FERMT1: variants seen among roughly 807,000 people sequenced by gnomAD.
The protein encoded by FERMT1 is FERM domain containing kindlin 1.
Under a neutral mutation model 85.3 loss-of-function variants are expected in FERMT1, and 60 were observed. The ratio of observed to expected loss-of-function variants is 0.70; its 90% confidence interval spans 0.57 to 0.87. The LOEUF (loss-of-function observed/expected upper bound fraction) is 0.87, where lower values mean the gene tolerates loss of function less well. Among genes scored for constraint, FERMT1 ranks in the 40% least tolerant of loss-of-function variants. FERMT1 has a pLI of 0.00. For synonymous variants in FERMT1, 275 were observed against 301.1 expected, an observed-to-expected ratio of 0.91 and a Z score of 0.90; for missense variants, 701 against 818.9, an observed-to-expected ratio of 0.86 and a Z score of 1.76.
intron 14 of FERMT1, 46 bp from the exon 15 acceptor site, chr20:6,077,392 A>G: frequency 6.2e-7 from 1 of 1,603,366 alleles, no homozygotes; most frequent in East Asian, 2.2e-5. Flanking sequence ...ACAAGGAATG[A>G]TGAAAAAAAA....
intron 4 of FERMT1, 68 bp downstream of exon 4, chr20:6,112,409 G>A (rs201012598): frequency 1.0e-5 from 15 of 1,457,014 alleles, no homozygotes; most frequent in Non-Finnish European, 1.3e-5. Flanking sequence ...GGGGTGGGAG[G>A]AGAGATATAT....
At chr20:6,092,564 C>T (rs1982398306) in intron 9 of FERMT1, among the ~76,000 whole-genome samples, 1 of 152,110 alleles carries the variant, frequency 6.6e-6, no homozygotes, top group Non-Finnish European at 1.5e-5. Flanking sequence ...ATTATATCTA[C>T]ATCTGTGTGT....
At chr20:6,082,465 G>A (rs1037556751) in intron 13 of FERMT1, among the ~76,000 whole-genome samples, 2 of 152,138 alleles carry the variant, frequency 1.3e-5, no homozygotes, top group African/African-American at 2.4e-5. Flanking sequence ...TGACTTCAGG[G>A]TTACAGGTGA....
intron 4 of FERMT1, among the ~76,000 whole-genome samples, chr20:6,112,109 C>A (rs1876412961): frequency 6.6e-6 from 1 of 152,038 alleles, no homozygotes; most frequent in African/African-American, 2.4e-5. Flanking sequence ...CTTCTGAGCT[C>A]AAGTGATCCA....
rs760079665 is a variant in FERMT1, at chr20:6,115,867, C to T, written c.329G>A (p.Arg110Gln). 1.7e-5 allele frequency: 27 copies of T among 1,614,038 alleles called. No homozygotes were observed. The highest frequency in any genetic ancestry group is 3.3e-5 in the Admixed American group (2 of 59,996). The change falls in exon 3 of 15, where the codon CGA becomes CAA. Residue 110 changes from arginine to glutamine, a missense_variant. By Grantham distance (43) the Arg-to-Gln change is conservative. Coordinates refer to ENST00000217289, the MANE Select transcript of FERMT1 (RefSeq NM_017671.5). Reference protein sequence around the residue: ...RLPNLKMVRLRVSFSAVVFKA... With the variant: ...RLPNLKMVRLQVSFSAVVFKA... ...AAAAACCACAGCTGAGAAGCTGACTCGCAACCTCACCATCTTCAAATTCGG... is the reference window on the plus strand; with the variant it reads ...AAAAACCACAGCTGAGAAGCTGACTTGCAACCTCACCATCTTCAAATTCGG...
Position 6,119,530 on chromosome 20 carries a change from A to G in FERMT1, c.25T>C (p.Phe9Leu). MLSSTDFT[F>L]ASWELVVRVD... ...CGGACCACAAGCTCCCAGGAAGCAA[A>G]TGTAAAGTCAGTGGATGACAGCATT... is the stretch of plus-strand genomic sequence containing the variant. Residue 9 changes from phenylalanine to leucine, a missense_variant, in exon 2 of 15, where the codon TTT (phenylalanine) becomes CTT (leucine). Coordinates refer to ENST00000217289, the MANE Select transcript of FERMT1 (RefSeq NM_017671.5). 6.2e-7 allele frequency: 1 copy of G among 1,614,166 alleles called. No individual in the cohort carries two copies. Among genetic ancestry groups the G allele is most frequent in the Non-Finnish European group, 8.5e-7 (1 of 1,180,010 alleles).
At chr20:6,121,264 G>A (rs1027909022) in intron 1 of FERMT1, among the ~76,000 whole-genome samples, 2 of 152,306 alleles carry the variant, frequency 1.3e-5, no homozygotes, top group Non-Finnish European at 1.5e-5. Flanking sequence ...TGAGATTACA[G>A]GCGTGTGCCA....
chr20:6,121,213 C>T (rs1389430139), intron 1 of FERMT1, among the ~76,000 whole-genome samples: 1 of 151,732 alleles, frequency 6.6e-6, no homozygotes, highest in East Asian at 1.9e-4. Flanking sequence ...ACCTCTGCCT[C>T]CCGGGTTCAA....
intron 6 of FERMT1, among the ~76,000 whole-genome samples, chr20:6,106,481 A>C (rs184825151): frequency 7.2e-5 from 11 of 152,308 alleles, no homozygotes; most frequent in African/African-American, 2.6e-4. Context: ...CAGTAAATGG[A>C]AAAGAGCAAC....
intron 10 of FERMT1, among the ~76,000 whole-genome samples, chr20:6,088,258 C>T (rs1463624990): frequency 6.6e-6 from 1 of 152,116 alleles, no homozygotes; most frequent in African/African-American, 2.4e-5. Context: ...TTAAATATTT[C>T]AATTAATAGA....
chr20:6,084,540 C>T (rs900595848), intron 12 of FERMT1, among the ~76,000 whole-genome samples: 2 of 152,132 alleles, frequency 1.3e-5, no homozygotes, highest in Admixed American at 1.3e-4. Flanking sequence ...TAAATAAGTT[C>T]AATCTGGGAA....
chr20:6,086,977 C>T lies in FERMT1; in HGVS notation c.1371+800G>A, dbSNP rs536488681. Reference sequence around the variant, plus strand: ...CCTTCGCCATATAACTTTACAGTTCCTCCCACCAGGGAGGAATTCCCATCC... The same window carrying T: ...CCTTCGCCATATAACTTTACAGTTCTTCCCACCAGGGAGGAATTCCCATCC... On this transcript the variant is annotated intron_variant, in intron 11 of 14. Transcript: ENST00000217289. 2.6e-5 allele frequency among the ~76,000 whole-genome samples: 4 copies of T among 152,244 alleles called. No homozygotes were observed. The East Asian group carries it at 7.7e-4, about 29-fold the overall frequency.
At chr20:6,079,374 T>G (rs1051943741) in intron 14 of FERMT1, 62 bp downstream of exon 14, 53 of 1,537,176 alleles carry the variant, frequency 3.4e-5, no homozygotes, top group Admixed American at 5.0e-5. Flanking sequence ...CAGAATAATC[T>G]GCAATTCTGA....
chr20:6,108,807 C>T (rs1363194328), intron 5 of FERMT1, among the ~76,000 whole-genome samples: 5 of 144,580 alleles, frequency 3.5e-5, no homozygotes, highest in African/African-American at 1.1e-4. Flanking sequence ...GAGACTCTGT[C>T]TCAAAAAAAA....
intron 2 of FERMT1, among the ~76,000 whole-genome samples, chr20:6,119,154 G>C (rs1337762598): frequency 6.6e-6 from 1 of 152,246 alleles, no homozygotes; most frequent in East Asian, 1.9e-4. Flanking sequence ...CGCCATGTTG[G>C]CCAGCCTGTT....
At chr20:6,078,217 T>C (rs747827714) in intron 14 of FERMT1, among the ~76,000 whole-genome samples, 1 of 152,188 alleles carries the variant, frequency 6.6e-6, no homozygotes, top group Non-Finnish European at 1.5e-5. Flanking sequence ...TAGGCAGTGG[T>C]GTTTTAAAGC....
At position 6,087,760 on chromosome 20, in the gene FERMT1, T is replaced by C; in HGVS notation, c.1371+17A>G. On this transcript the variant is annotated intron_variant, in intron 11 of 14. Coordinates refer to ENST00000217289, the MANE Select transcript of FERMT1 (RefSeq NM_017671.5). ...AGTGGAGGTGAAGTGACTTAATATT[T>C]TTGGGGTTTTACTCACATGGTCACA... 7.3e-7 allele frequency: 1 copy of C among 1,368,334 alleles called. No individual in the cohort carries two copies. Among genetic ancestry groups the C allele is most frequent in the Non-Finnish European group, 1.0e-6 (1 of 955,626 alleles). 84.8% of individuals were successfully genotyped at this position (1,368,334 alleles called of 1,614,324 possible).
rs1206727398 is a variant in FERMT1 at position 6,104,332 on chromosome 20, T to C, written c.849+3200A>G. ...TTTAGTTTCTACTTGTAGGGTGCCT[T>C]GTAAATTTGCAGTGGCTTCATGGGT... On this transcript the variant is annotated intron_variant, in intron 6 of 14. Transcript: ENST00000217289. This position sits in a 1 kb window ranked among gnomAD's most constrained non-coding sequence, Gnocchi z 4.2. 6.6e-6 allele frequency among the ~76,000 whole-genome samples: 1 copy of C among 152,182 alleles called. No individual in the cohort carries two copies. The highest frequency in any genetic ancestry group is 2.4e-5 in the African/African-American group (1 of 41,436).
At position 6,097,468 on chromosome 20, in the gene FERMT1, A is replaced by G. The variant is rs1982538332; in HGVS notation, c.957+56T>C. ...CCAGTATGAAGCATATGAAACTTCA[A>G]GCAGAACAAACTTGGTTTGTCTCCT... On this transcript the variant is annotated intron_variant, in intron 7 of 14. Transcript: ENST00000217289. 3 of 1,251,078 alleles carry G rather than the reference A, an allele frequency of 2.4e-6. No individual in the cohort carries two copies. The East Asian group carries it at 6.9e-5, about 29-fold the overall frequency. The allele number at this position is 1,251,078 out of a possible 1,614,324, so 77.5% of individuals were successfully genotyped here.
Sources: gnomAD v4.1 joint callset for allele counts (sites outside exome capture counted in the v4.1 genomes callset) on GRCh38, gnomAD v4.1.1 for gene constraint, Gnocchi (gnomAD v3.1) non-coding constraint, MANE v1.5 for transcripts, NCBI Gene and HGNC (gene_info 2026-07-23, HGNC 2026-07-21) for gene names.